Variants in ZNF385D observed in about 807,000 individuals in gnomAD.
ZNF385D encodes the protein zinc finger protein 659.
Under a neutral mutation model 35.8 loss-of-function variants are expected in ZNF385D, and 15 were observed. The observed-to-expected ratio is 0.42, with a 90% CI of 0.28 to 0.64. ZNF385D has a LOEUF of 0.64. Ranked by LOEUF, ZNF385D falls within the 30% of genes least tolerant of loss-of-function variation. The pLI, the probability that ZNF385D is intolerant of heterozygous loss-of-function variation, is 0.23. For synonymous variants in ZNF385D, 212 were observed against 186.8 expected, an observed-to-expected ratio of 1.13 and a Z score of -1.10; for missense variants, 474 against 494.6, an observed-to-expected ratio of 0.96 and a Z score of 0.39.
At chr3:21,817,130 T>C (rs766013187) in intron 3 of ZNF385D, among the ~76,000 whole-genome samples, 2 of 152,166 alleles carry the variant, frequency 1.3e-5, no homozygotes, top group Non-Finnish European at 2.9e-5. Context: ...TGGCTAGCCA[T>C]ATATAGAAAT....
intron 2 of ZNF385D, among the ~76,000 whole-genome samples, chr3:21,592,178 A>C (rs35785823): frequency 0.037 from 5,594 of 152,210 alleles, 331 homozygotes; most frequent in African/African-American, 0.13. Flanking sequence ...TATGGTTATT[A>C]GTTGTTTTCT....
rs77054019 is a variant in ZNF385D at position 21,740,081 on chromosome 3, T to C, written c.22+10814A>G. Among the ~76,000 whole-genome samples, 523 of 152,282 alleles carry C rather than the reference T, an allele frequency of 3.4e-3. 2 individuals carry two copies. Among genetic ancestry groups the C allele is most frequent in the African/African-American group, 0.012 (512 of 41,554 alleles). On this transcript the variant is annotated intron_variant, in intron 1 of 7. Transcript: ENST00000281523. ...CCCAGTACACATGAAACTTTCTGTT[T>C]TGACACGGGAAGTCCAACATCCTGA...
chr3:22,229,965 C>T (rs915479707), intron 2 of ZNF385D, among the ~76,000 whole-genome samples: 2 of 152,156 alleles, frequency 1.3e-5, no homozygotes, highest in Admixed American at 6.5e-5. Context: ...ACCTTGCTAC[C>T]TATACTTACA....
chr3:21,943,277 T>C (rs896759876), intron 3 of ZNF385D, among the ~76,000 whole-genome samples: 8 of 145,862 alleles, frequency 5.5e-5, no homozygotes, highest in African/African-American at 2.0e-4. Context: ...TATTTGAATG[T>C]GTGTGTGTGT....
In ZNF385D at chr3:22,246,536, T is replaced by G. The variant is rs1436920508; in HGVS notation, c.107-77501A>C. Among the ~76,000 whole-genome samples the G allele has an allele frequency of 3.9e-5, 6 of 152,146 alleles. No individual in the cohort carries two copies. The East Asian group carries it at 1.2e-3, about 29-fold the overall frequency. On this transcript the variant is annotated intron_variant, in intron 2 of 5. Coordinates refer to the ZNF385D transcript ENST00000494108. ...ATGCACTTCAAAGATATATTTTCTCTTGCTTCAAAGCCTAGACCTGACTTT... is the reference window on the plus strand; with the variant it reads ...ATGCACTTCAAAGATATATTTTCTCGTGCTTCAAAGCCTAGACCTGACTTT...
rs185010133 is a variant in ZNF385D at position 22,058,897 on chromosome 3, T to C, written c.325+109920A>G. Among the ~76,000 whole-genome samples, 503 of 152,338 alleles carry C rather than the reference T, an allele frequency of 3.3e-3. 3 individuals carry two copies. Among genetic ancestry groups the C allele is most frequent in the African/African-American group, 0.011 (478 of 41,586 alleles). On this transcript the variant is annotated intron_variant, in intron 3 of 5. Coordinates refer to the ZNF385D transcript ENST00000494108. ...TCCACCTCCATAGCAAGAAGTTTGGTGTCTTCTCTTAATCCAAATCTTTTC... is the reference window on the plus strand; with the variant it reads ...TCCACCTCCATAGCAAGAAGTTTGGCGTCTTCTCTTAATCCAAATCTTTTC...
chr3:21,774,065 T>C (rs2071190223), intron 3 of ZNF385D, among the ~76,000 whole-genome samples: 1 of 151,990 alleles, frequency 6.6e-6, no homozygotes, highest in East Asian at 1.9e-4. Flanking sequence ...GTGGTACATA[T>C]ACACCATGGA....
chr3:21,564,595 G>T lies in ZNF385D; in HGVS notation c.255C>A (p.Cys85Ter). The change falls in exon 3 of 8, where the codon TGC (cysteine) becomes TGA (stop). Residue 85 changes from cysteine to a stop codon, truncating the protein, a stop_gained. Transcript: ENST00000281523. LOFTEE classifies it high-confidence loss of function. Reference sequence around the variant, plus strand: ...TTACATCAGAATTAAATCTCAACTGGCAAATGTTGCATGATATGATTTGCT... The same window carrying T: ...TTACATCAGAATTAAATCTCAACTGTCAAATGTTGCATGATATGATTTGCT... ...RRKQIISCNI[C>*]QLRFNSDSQA... 1 of 1,546,856 alleles carries T rather than the reference G, an allele frequency of 6.5e-7. No individual in the cohort carries two copies. The highest frequency in any genetic ancestry group is 8.7e-7 in the Non-Finnish European group (1 of 1,145,224).
At chr3:21,704,915 A>T (rs1490490033) in intron 1 of ZNF385D, among the ~76,000 whole-genome samples, 1 of 152,190 alleles carries the variant, frequency 6.6e-6, no homozygotes, top group Non-Finnish European at 1.5e-5. Flanking sequence ...ATCCCTCTGC[A>T]GTGGGGTGCT....
intron 4 of ZNF385D, among the ~76,000 whole-genome samples, chr3:21,479,535 C>T (rs968461880): frequency 2.0e-5 from 3 of 152,014 alleles, no homozygotes; most frequent in Non-Finnish European, 4.4e-5. Context: ...TTAAGACATG[C>T]AAATATTTCT....
At chr3:21,675,457 G>A (rs758270883) in intron 1 of ZNF385D, among the ~76,000 whole-genome samples, 2 of 152,000 alleles carry the variant, frequency 1.3e-5, no homozygotes, top group Non-Finnish European at 2.9e-5. Flanking sequence ...CAGTAGTAAG[G>A]TTAAAACAAT....
chr3:22,088,670 A>C (rs1426344932), intron 3 of ZNF385D, among the ~76,000 whole-genome samples: 10 of 152,116 alleles, frequency 6.6e-5, no homozygotes. Flanking sequence ...ACCATACATA[A>C]GCTGCAGTGG....
At chr3:21,931,319 C>T (rs1475023120) in intron 3 of ZNF385D, among the ~76,000 whole-genome samples, 1 of 152,092 alleles carries the variant, frequency 6.6e-6, no homozygotes, top group Non-Finnish European at 1.5e-5. Flanking sequence ...GATGAGGAGA[C>T]ACCAGAACTG....
rs1042545842 is a variant in ZNF385D, at chr3:22,354,458, A to G, written c.106+17992T>C. Among the ~76,000 whole-genome samples, 5 of 152,274 alleles carry G rather than the reference A, an allele frequency of 3.3e-5. No homozygotes were observed. The South Asian group carries it at 6.2e-4, about 19-fold the overall frequency. ...TCCAAGAGACACAGTCAAATACCTT[A>G]TAAAAATTTAATTATCTCCAAAATA... On this transcript the variant is annotated intron_variant, in intron 2 of 5. Coordinates refer to the ZNF385D transcript ENST00000494108.
intron 3 of ZNF385D, among the ~76,000 whole-genome samples, chr3:21,928,411 A>G (rs1477598329): frequency 6.6e-6 from 1 of 150,956 alleles, no homozygotes; most frequent in African/African-American, 2.4e-5. Context: ...GGAAAGAAGA[A>G]AGGGATGCAG....
chr3:22,282,868 T>A (rs1575031338), intron 2 of ZNF385D, among the ~76,000 whole-genome samples: 1 of 152,046 alleles, frequency 6.6e-6, no homozygotes, highest in South Asian at 2.1e-4. Flanking sequence ...ATGGCCTAAG[T>A]GTTCCACTTA....
At chr3:22,306,332 T>TA (rs200362099) in intron 2 of ZNF385D, among the ~76,000 whole-genome samples, 4 of 151,962 alleles carry the variant, frequency 2.6e-5, no homozygotes, top group Admixed American at 6.6e-5. Context: ...GTCTTGTGGT[T>TA]AAAAAAAGTC....
chr3:22,283,047 GA>G (rs1173478904), intron 2 of ZNF385D, among the ~76,000 whole-genome samples: 5 of 151,728 alleles, frequency 3.3e-5, no homozygotes, highest in African/African-American at 7.3e-5. Flanking sequence ...TTTTATATCA[GA>G]AAAAAAATTT....
chr3:22,130,111 T>G (rs999131912), intron 3 of ZNF385D, among the ~76,000 whole-genome samples: 1 of 152,146 alleles, frequency 6.6e-6, no homozygotes, highest in African/African-American at 2.4e-5. Context: ...AAAAACATCA[T>G]CTGGGAGCTA....
Sources: allele counts gnomAD v4.1 joint callset (sites outside exome capture counted in the v4.1 genomes callset), GRCh38; gene constraint gnomAD v4.1.1; transcripts MANE v1.5; gene names NCBI Gene and HGNC (gene_info 2026-07-23, HGNC 2026-07-21).